PKHD1L1: variants seen among roughly 807,000 people sequenced by gnomAD.
PKHD1L1 encodes fibrocystin-L.
Under a neutral mutation model 462.9 loss-of-function variants are expected in PKHD1L1, and 434 were observed. The ratio of observed to expected loss-of-function variants is 0.94; its 90% CI spans 0.87 to 1.02. PKHD1L1 has a LOEUF of 1.02. Among genes scored for constraint, PKHD1L1 ranks in the 50% least tolerant of loss-of-function variants. PKHD1L1 has a pLI of 0.00. For missense variants in PKHD1L1, 5,202 were observed against 5,096.1 expected, an observed-to-expected ratio of 1.02 and a Z score of -0.63; for synonymous variants, 1,781 against 1,750.0, an observed-to-expected ratio of 1.02 and a Z score of -0.44.
intron 16 of PKHD1L1, among the ~76,000 whole-genome samples, chr8:109,405,923 T>A (rs1218006193): frequency 6.6e-6 from 1 of 152,182 alleles, no homozygotes; most frequent in African/African-American, 2.4e-5. Context: ...TTCAATTTTT[T>A]AAATTAAATG....
intron 75 of PKHD1L1, 117 bp from the exon 76 acceptor site, chr8:109,523,116 C>A: frequency 9.2e-7 from 1 of 1,091,464 alleles, no homozygotes; most frequent in Non-Finnish European, 1.3e-6. Flanking sequence ...GAATAAGGAG[C>A]TTCTGCAGAT....
intron 37 of PKHD1L1, among the ~76,000 whole-genome samples, chr8:109,444,359 A>T (rs534537514): frequency 5.8e-4 from 89 of 152,252 alleles, no homozygotes; most frequent in African/African-American, 1.9e-3. Context: ...TCTTTTTGTG[A>T]CCTAATAATA....
At chr8:109,435,057 A>C in intron 28 of PKHD1L1, 133 bp from the exon 29 acceptor site, 3 of 844,322 alleles carry the variant, frequency 3.6e-6, no homozygotes, top group Non-Finnish European at 5.4e-6. Flanking sequence ...ACATTAATAT[A>C]TGATTGGTTT....
rs1226874945 is a variant in PKHD1L1, at chr8:109,396,035, A to C, written c.820A>C (p.Met274Leu). Residue 274 changes from methionine (M) to leucine (L), a missense_variant, in exon 11 of 78, where the codon ATG becomes CTG. This residue lies in a region of PKHD1L1 where 4,497 missense variants were observed against 4,336.8 expected (regional missense o/e 1.04). Transcript: ENST00000378402. ...ATGTGGTTTTCCCCCAGAGGTCACC[A>C]TGATTTTCCCTTCACAAGGAAGCAT... ...AMFQTYAEVT[M>L]IFPSQGSIRG... 25 of 1,596,824 alleles carry C rather than the reference A, an allele frequency of 1.6e-5. No homozygotes were observed. Among genetic ancestry groups the C allele is most frequent in the Non-Finnish European group, 2.1e-5 (25 of 1,171,218 alleles).
Position 109,498,660 on chromosome 8 carries a change from A to G in PKHD1L1, c.10717A>G (p.Arg3573Gly). Residue 3573 changes from arginine (R) to glycine (G), a missense_variant, in exon 67 of 78, where the codon AGA becomes GGA. By Grantham distance (125) the Arg-to-Gly change is moderately radical. Coordinates refer to ENST00000378402, the MANE Select transcript of PKHD1L1 (RefSeq NM_177531.6). ...HRSPRSPSGG[R>G]SGICWPTFAS... Reference sequence around the variant, plus strand: ...TTTTTCTTTTTTGGTAAAAGGTGGGAGAAGTGGGATTTGTTGGCCTACCTT... The same window carrying G: ...TTTTTCTTTTTTGGTAAAAGGTGGGGGAAGTGGGATTTGTTGGCCTACCTT... 6.2e-7 allele frequency: 1 copy of G among 1,613,836 alleles called. No individual in the cohort carries two copies.
intron 27 of PKHD1L1, among the ~76,000 whole-genome samples, chr8:109,432,721 A>G (rs1448881208): frequency 1.3e-5 from 2 of 152,154 alleles, no homozygotes; most frequent in African/African-American, 2.4e-5. Flanking sequence ...CACTAATTGC[A>G]TGGTTTATCC....
chr8:109,370,638 A>G (rs868619374), intron 2 of PKHD1L1, among the ~76,000 whole-genome samples: 3 of 152,050 alleles, frequency 2.0e-5, no homozygotes, highest in African/African-American at 2.4e-5. Flanking sequence ...AGGTATATCT[A>G]CTAATGCTAT....
At chr8:109,498,380 C>G (rs1206196253) in intron 65 of PKHD1L1, 82 bp from the exon 66 acceptor site, 3 of 405,108 alleles carry the variant, frequency 7.4e-6, no homozygotes, top group Non-Finnish European at 1.0e-5. Context: ...GGATTACAGG[C>G]GTGAGCCACC....
chr8:109,482,117 A>G (rs956436659), intron 56 of PKHD1L1, among the ~76,000 whole-genome samples: 3 of 151,826 alleles, frequency 2.0e-5, no homozygotes, highest in Non-Finnish European at 4.4e-5. Context: ...AATGGCTTGA[A>G]AGAGTTTAAC....
At chr8:109,375,536 G>T (rs1251607637) in intron 2 of PKHD1L1, among the ~76,000 whole-genome samples, 4 of 152,164 alleles carry the variant, frequency 2.6e-5, no homozygotes, top group African/African-American at 9.7e-5. Flanking sequence ...TTGTTCCGTT[G>T]CTGGTGAGGA....
intron 6 of PKHD1L1, among the ~76,000 whole-genome samples, chr8:109,386,843 C>T (rs1812467768): frequency 6.6e-6 from 1 of 151,950 alleles, no homozygotes; most frequent in Admixed American, 6.6e-5. Context: ...CCTTTTTTCC[C>T]CCACTGAAAC....
chr8:109,367,955 ATT>A (rs1208329757), intron 2 of PKHD1L1, among the ~76,000 whole-genome samples: 1 of 152,120 alleles, frequency 6.6e-6, no homozygotes, highest in Non-Finnish European at 1.5e-5. Context: ...TAGATACATG[ATT>A]TTACTCTTAT....
chr8:109,509,581 G>A (rs1211836457), intron 70 of PKHD1L1, among the ~76,000 whole-genome samples: 2 of 150,134 alleles, frequency 1.3e-5, no homozygotes, highest in African/African-American at 4.9e-5. Flanking sequence ...AATTCCCCAA[G>A]ATAAAAGTTA....
At chr8:109,499,573 T>C (rs919390983) in intron 67 of PKHD1L1, among the ~76,000 whole-genome samples, 2 of 152,346 alleles carry the variant, frequency 1.3e-5, no homozygotes, top group South Asian at 4.1e-4. Flanking sequence ...CAGAATATTA[T>C]AAATATCATG....
rs755203804 is a variant in PKHD1L1 at position 109,404,657 on chromosome 8, G to A, written c.1477G>A (p.Ala493Thr). The stretch of plus-strand genomic sequence containing the variant: ...TTATACTGAACAACAAACAGGAGAT[G>A]CAGTGAATGAAGAACAAGTTATCAA... ...NVYTEQQTGD[A>T]VNEEQVIKSQ... Residue 493 changes from alanine to threonine, a missense_variant, in exon 15 of 78, where the codon GCA becomes ACA. Physicochemically the swap from Ala to Thr is moderately conservative, Grantham distance 58. Transcript: ENST00000378402. 1 of 1,608,662 alleles carries A rather than the reference G, an allele frequency of 6.2e-7. No homozygotes were observed. Among genetic ancestry groups the A allele is most frequent in the African/African-American group, 1.3e-5 (1 of 74,834 alleles).
rs765197983 is a variant in PKHD1L1, at chr8:109,485,193, C to G, written c.9706+20C>G. On this transcript the variant is annotated intron_variant, in intron 58 of 77. Coordinates refer to ENST00000378402, the MANE Select transcript of PKHD1L1 (RefSeq NM_177531.6). ...ACTTTGGTAAGTGGATGCTTTTTAACCAAATAGATATATAATTGTGTTGAA... is the reference window on the plus strand; with the variant it reads ...ACTTTGGTAAGTGGATGCTTTTTAAGCAAATAGATATATAATTGTGTTGAA... 6.6e-7 allele frequency: 1 copy of G among 1,512,890 alleles called. No homozygotes were observed. Among genetic ancestry groups the G allele is most frequent in the African/African-American group, 1.4e-5 (1 of 71,116 alleles). The allele number at this position is 1,512,890 out of a possible 1,614,324, so 93.7% of individuals were successfully genotyped here.
chr8:109,525,445 C>T (rs1320297313), intron 76 of PKHD1L1, among the ~76,000 whole-genome samples: 1 of 152,200 alleles, frequency 6.6e-6, no homozygotes, highest in East Asian at 1.9e-4. Flanking sequence ...ATTTCATTTG[C>T]TCACAATTGT....
chr8:109,400,282 T>A lies in PKHD1L1; in HGVS notation c.1219T>A (p.Tyr407Asn). 6.2e-7 allele frequency: 1 copy of A among 1,613,590 alleles called. No homozygotes were observed. The highest frequency in any genetic ancestry group is 8.5e-7 in the Non-Finnish European group (1 of 1,179,584). The change falls in exon 13 of 78, where the codon TAC becomes AAC. Residue 407 changes from tyrosine to asparagine, a missense_variant. Around this residue, in one of 3 missense-constraint regions of PKHD1L1, gnomAD observed 4,497 missense variants for 4,336.8 expected, o/e 1.04. Transcript: ENST00000378402. Reference protein sequence around the residue: ...VAPDSDVYRFYIKGDDRYAIY... With the variant: ...VAPDSDVYRFNIKGDDRYAIY... ...TCCAGATTCTGATGTTTATAGATTC[T>A]ACATCAAGGGTGATGACCGTTATGC... is the stretch of plus-strand genomic sequence containing the variant.
chr8:109,396,035 A>G lies in PKHD1L1; in HGVS notation c.820A>G (p.Met274Val). The change falls in exon 11 of 78, where the codon ATG becomes GTG. Residue 274 changes from methionine to valine, a missense_variant. This residue lies in a region of PKHD1L1 where 4,497 missense variants were observed against 4,336.8 expected (regional missense o/e 1.04). Transcript: ENST00000378402. The part of the protein sequence containing the change: ...AMFQTYAEVT[M>V]IFPSQGSIRG... ...ATGTGGTTTTCCCCCAGAGGTCACC[A>G]TGATTTTCCCTTCACAAGGAAGCAT... is the stretch of plus-strand genomic sequence containing the variant. The G allele has an allele frequency of 6.3e-7, 1 of 1,596,942 alleles. No homozygotes were observed. Among genetic ancestry groups the G allele is most frequent in the Non-Finnish European group, 8.5e-7 (1 of 1,171,210 alleles).
Sources: gnomAD v4.1 joint callset for allele counts (sites outside exome capture counted in the v4.1 genomes callset) on GRCh38, gnomAD v4.1.1 for gene constraint, gnomAD v4.1.1 regional missense constraint, MANE v1.5 for transcripts, NCBI Gene and HGNC (gene_info 2026-07-23, HGNC 2026-07-21) for gene names.